Variants in SLC39A10 observed in about 807,000 individuals in gnomAD.
SLC39A10 encodes the protein zinc transporter ZIP10.
In SLC39A10, 13 loss-of-function variants were observed where a neutral mutation model predicts 65.1. The ratio of observed to expected loss-of-function variants is 0.20; its 90% confidence interval spans 0.13 to 0.32. The LOEUF (loss-of-function observed/expected upper bound fraction) is 0.32, where lower values mean the gene tolerates loss of function less well. SLC39A10 is among the 10% of genes least tolerant of loss of function. The pLI is 1.00. For synonymous variants in SLC39A10, 321 were observed against 342.2 expected (o/e 0.94, Z 0.68); for missense variants, 831 against 1,018.4 (o/e 0.82, Z 2.50).
chr2:195,618,353 C>CAAAAAAAAA (rs34831034), intron 2 of SLC39A10, among the ~76,000 whole-genome samples: 41 of 103,868 alleles, frequency 3.9e-4, no homozygotes, highest in African/African-American at 1.2e-3. Flanking sequence ...TCCGTCTCAC[C>CAAAAAAAAA]AAAAAAAAAA....
chr2:195,708,511 AAGTG>A (rs1396980424), intron 4 of SLC39A10, 141 bp from the exon 5 acceptor site: 5 of 579,082 alleles, frequency 8.6e-6, no homozygotes, highest in East Asian at 6.1e-5. Flanking sequence ...ATGGAAGACT[AAGTG>A]AGATAATATC....
chr2:195,654,086 T>C (rs1689098404), upstream of SLC39A10, among the ~76,000 whole-genome samples: 1 of 152,114 alleles, frequency 6.6e-6, no homozygotes, highest in South Asian at 2.1e-4. Flanking sequence ...ATAATAGGCA[T>C]GTGCCACCAA....
chr2:195,736,633 G>GTGTC lies in SLC39A10; in HGVS notation c.*1594_*1597dup, dbSNP rs1408940652. On this transcript the variant is annotated 3_prime_UTR_variant, in exon 10 of 10. Coordinates refer to ENST00000359634, the MANE Select transcript of SLC39A10 (RefSeq NM_020342.3). ...TCCAGGTATTTATAGATTATTGCCA[G>GTGTC]TGTCTTTTCTGTATGCTATAAGCAA... 6.6e-6 allele frequency: 1 copy of GTGTC among 152,214 alleles called. No homozygotes were observed. Among genetic ancestry groups the GTGTC allele is most frequent in the Non-Finnish European group, 1.5e-5 (1 of 68,016 alleles). 9.4% of individuals were successfully genotyped at this position (152,214 alleles called of 1,614,324 possible). A position where few individuals can be genotyped will look rare whatever the true frequency, so the allele number is the denominator to read the frequency against.
At chr2:195,629,343 G>A (rs551733190) in intron 2 of SLC39A10, among the ~76,000 whole-genome samples, 31 of 145,036 alleles carry the variant, frequency 2.1e-4, no homozygotes, top group African/African-American at 6.4e-4. Flanking sequence ...GCAGTGAGCC[G>A]AGATCACACC....
At chr2:195,734,841 G>C (rs1048530598) in intron 9 of SLC39A10, 42 bp from the exon 10 acceptor site, 2 of 1,523,428 alleles carry the variant, frequency 1.3e-6, no homozygotes, top group African/African-American at 2.8e-5. Context: ...GTTTTGAGCA[G>C]AAGTATTATA....
intron 9 of SLC39A10, among the ~76,000 whole-genome samples, chr2:195,729,961 ATT>A (rs58936616): frequency 2.2e-5 from 2 of 92,136 alleles, no homozygotes; most frequent in Admixed American, 1.3e-4. Flanking sequence ...ACCATGCCTA[ATT>A]TTTTTTTTTT....
chr2:195,731,845 C>A (rs978373745), intron 9 of SLC39A10, among the ~76,000 whole-genome samples: 1 of 152,162 alleles, frequency 6.6e-6, no homozygotes, highest in Non-Finnish European at 1.5e-5. Context: ...TTTATAACAT[C>A]ATTCCTTTGA....
chr2:195,638,422 C>T (rs1343894115), intron 2 of SLC39A10, among the ~76,000 whole-genome samples: 1 of 152,164 alleles, frequency 6.6e-6, no homozygotes, highest in East Asian at 1.9e-4. Context: ...TCACTGCAGC[C>T]TCCACCTCCC....
chr2:195,723,222 G>A (rs140326750), intron 8 of SLC39A10, among the ~76,000 whole-genome samples: 1 of 152,270 alleles, frequency 6.6e-6, no homozygotes, highest in East Asian at 1.9e-4. Context: ...GTGTGGTAAT[G>A]GGTTAAATTG....
chr2:195,618,153 C>A (rs1001396588), intron 2 of SLC39A10, among the ~76,000 whole-genome samples: 1 of 151,772 alleles, frequency 6.6e-6, no homozygotes, highest in Non-Finnish European at 1.5e-5. Flanking sequence ...GGGTTTGAGA[C>A]CAGCCTGGCC....
intron 2 of SLC39A10, among the ~76,000 whole-genome samples, chr2:195,614,207 G>T (rs763200030): frequency 2.6e-5 from 4 of 152,182 alleles, no homozygotes; most frequent in Admixed American, 6.6e-5. Context: ...AATAGCATCT[G>T]ATACATAGTA....
chr2:195,625,568 C>G (rs1461737224), intron 2 of SLC39A10, among the ~76,000 whole-genome samples: 1 of 152,062 alleles, frequency 6.6e-6, no homozygotes, highest in African/African-American at 2.4e-5. Context: ...TGAGCCACTG[C>G]GCCCAGCCTG....
intron 8 of SLC39A10, among the ~76,000 whole-genome samples, chr2:195,725,970 G>T (rs1002139789): frequency 2.0e-5 from 3 of 152,094 alleles, no homozygotes; most frequent in Admixed American, 2.0e-4. Context: ...ATTTTGGAAG[G>T]GTAATGAAAA....
At chr2:195,679,100 T>C (rs59602581) in intron 1 of SLC39A10, among the ~76,000 whole-genome samples, 3,772 of 152,308 alleles carry the variant, frequency 0.025, 141 homozygotes, top group African/African-American at 0.085. Flanking sequence ...AGAGGCTGCA[T>C]TTTAAATTTA....
chr2:195,727,633 C>T (rs578119291), intron 8 of SLC39A10, among the ~76,000 whole-genome samples: 2 of 152,166 alleles, frequency 1.3e-5, no homozygotes, highest in African/African-American at 4.8e-5. Flanking sequence ...GGTAGAAGTT[C>T]GAGCAGGGAG....
chr2:195,704,054 T>G (rs1022356061), intron 3 of SLC39A10, among the ~76,000 whole-genome samples: 2 of 152,208 alleles, frequency 1.3e-5, no homozygotes, highest in Admixed American at 1.3e-4. Context: ...TATGAAGGGT[T>G]ATCAGGTGTT....
At chr2:195,696,301 T>A (rs1458109690) in intron 3 of SLC39A10, among the ~76,000 whole-genome samples, 1 of 116,904 alleles carries the variant, frequency 8.6e-6, no homozygotes, top group African/African-American at 3.2e-5. Flanking sequence ...TTTAGGATGT[T>A]TTTTATTTTT....
At position 195,728,789 on chromosome 2, in the gene SLC39A10, G is replaced by A. The variant is rs193123546; in HGVS notation, c.2337+440G>A. 5.9e-5 allele frequency among the ~76,000 whole-genome samples: 9 copies of A among 152,140 alleles called. No homozygotes were observed. Among genetic ancestry groups the A allele is most frequent in the African/African-American group, 1.7e-4 (7 of 41,496 alleles). On this transcript the variant is annotated intron_variant, in intron 9 of 9. Transcript: ENST00000359634. This position sits in a 1 kb window ranked among gnomAD's most constrained non-coding sequence, Gnocchi z 4.4. Reference sequence around the variant, plus strand: ...GTAATTTCTCTTATTTCTAAATTTAGCTTAAAGTTAAATGTAAATGCTAAC... The same window carrying A: ...GTAATTTCTCTTATTTCTAAATTTAACTTAAAGTTAAATGTAAATGCTAAC...
At chr2:195,616,740 A>T (rs1203550812) in intron 2 of SLC39A10, among the ~76,000 whole-genome samples, 2 of 151,586 alleles carry the variant, frequency 1.3e-5, no homozygotes, top group Non-Finnish European at 2.9e-5. Context: ...AGTAGCTGGG[A>T]CTACAGGCTC....
Sources: allele counts gnomAD v4.1 joint callset (sites outside exome capture counted in the v4.1 genomes callset), GRCh38; gene constraint gnomAD v4.1.1; non-coding constraint Gnocchi (gnomAD v3.1); transcripts MANE v1.5; gene names NCBI Gene and HGNC (gene_info 2026-07-23, HGNC 2026-07-21).